The following CFAP298 variants were observed in gnomAD, a reference collection of about 807,000 sequenced individuals.
The protein encoded by CFAP298 is cilia and flagella associated protein 298, also known as cilia- and flagella-associated protein 298.
In CFAP298, 38 loss-of-function variants were observed where a neutral mutation model predicts 41.0. That is an observed-to-expected ratio of 0.93 (90% confidence interval 0.72 to 1.22). CFAP298 has a LOEUF of 1.22. Among genes scored for constraint, CFAP298 ranks in the 50% most tolerant of loss-of-function variants. The pLI is 0.00. For synonymous variants in CFAP298, 137 were observed against 135.3 expected (o/e 1.01, Z -0.09); for missense variants, 348 against 360.3 (o/e 0.97, Z 0.28).
At chr21:32,603,600 C>T (rs1568992139) in intron 4 of CFAP298, among the ~76,000 whole-genome samples, 1 of 152,202 alleles carries the variant, frequency 6.6e-6, no homozygotes, top group Non-Finnish European at 1.5e-5. Flanking sequence ...GCACTGGCAT[C>T]GTGCTGGGTG....
At position 32,603,936 on chromosome 21, in the gene CFAP298, C is replaced by A. The variant is rs375692614; in HGVS notation, c.534+189G>T. Among the ~76,000 whole-genome samples the A allele has an allele frequency of 2.5e-3, 384 of 152,270 alleles. 2 individuals are homozygous for A. The highest frequency in any genetic ancestry group is 8.9e-3 in the African/African-American group (371 of 41,558). ...ACTGCCTCCTGTGTGTGGGGCCAAACCCCTCACTCATGAGTACCCACTCTC... is the reference window on the plus strand; with the variant it reads ...ACTGCCTCCTGTGTGTGGGGCCAAAACCCTCACTCATGAGTACCCACTCTC... On this transcript the variant is annotated intron_variant, in intron 4 of 6. Transcript: ENST00000290155.
At position 32,612,178 on chromosome 21, in the gene CFAP298, G is replaced by A. The variant is rs779818902; in HGVS notation, c.66C>T (p.Thr22=). 5.6e-6 allele frequency: 9 copies of A among 1,604,316 alleles called. No homozygotes were observed. The highest frequency in any genetic ancestry group is 7.7e-6 in the Non-Finnish European group (9 of 1,176,178). Residue 22 remains threonine, a synonymous_variant, in exon 1 of 7, where the codon ACC becomes ACT. Transcript: ENST00000290155. ...CCTGCACCGTGAGCTCCTCCAGCTC[G>A]GTACTCCCAGGCGCCTGCAGCAGGA... ...SQFLLQAPGS[T]ELEELTVQVA... is the part of the protein sequence containing the mutation.
intron 1 of CFAP298, 43 bp downstream of exon 1, chr21:32,612,062 G>A: frequency 6.7e-7 from 1 of 1,489,570 alleles, no homozygotes; most frequent in South Asian, 1.3e-5. Context: ...ATCCCACGCC[G>A]GTCTCTCGAT....
In CFAP298 at chr21:32,600,322, C is replaced by G. The variant is rs932416337; in HGVS notation, c.*1541G>C. ...GTCAGCTACAAAGCACTTCAGAGAA[C>G]AGCGCTTTGCTCTCAGGTCTGGGAC... On this transcript the variant is annotated 3_prime_UTR_variant, in exon 7 of 7. Transcript: ENST00000290155. Among the ~76,000 whole-genome samples, 1 of 152,220 alleles carries G rather than the reference C, an allele frequency of 6.6e-6. No individual in the cohort carries two copies. The highest frequency in any genetic ancestry group is 6.5e-5 in the Admixed American group (1 of 15,292).
intron 2 of CFAP298, among the ~76,000 whole-genome samples, chr21:32,609,473 AT>A (rs2038940738): frequency 6.6e-6 from 1 of 152,212 alleles, no homozygotes; most frequent in South Asian, 2.1e-4. Context: ...GACGAGGTCA[AT>A]TTTTAAACGT....
chr21:32,610,691 C>G (rs844993), intron 1 of CFAP298, among the ~76,000 whole-genome samples: 36,717 of 152,026 alleles, frequency 0.24, 6,290 homozygotes, highest in African/African-American at 0.48. Context: ...TGTGTTGGAA[C>G]CTCAATTAAG....
chr21:32,603,008 G>A (rs983873060), intron 5 of CFAP298, 153 bp downstream of exon 5: 17 of 1,116,642 alleles, frequency 1.5e-5, no homozygotes, highest in Non-Finnish European at 2.1e-5. Flanking sequence ...TTTTGTTGGT[G>A]TGCAGGAAGA....
rs535049428 is a variant in CFAP298 at position 32,609,407 on chromosome 21, T to C, written c.307+431A>G. ...TTTATCTACCTAATTCATCCTAGATTAGAGTTTTACCAAAGGAGCTACAGA... is the reference window on the plus strand; with the variant it reads ...TTTATCTACCTAATTCATCCTAGATCAGAGTTTTACCAAAGGAGCTACAGA... On this transcript the variant is annotated intron_variant, in intron 2 of 6. Transcript: ENST00000290155. 5.9e-5 allele frequency among the ~76,000 whole-genome samples: 9 copies of C among 152,292 alleles called. No homozygotes were observed. In the South Asian group the frequency reaches 1.5e-3, roughly 25 times the overall value.
At chr21:32,602,626 C>T in intron 5 of CFAP298, 1 of 1,304,220 alleles carries the variant, frequency 7.7e-7, no homozygotes, top group Non-Finnish European at 9.7e-7. Context: ...ACACTGCAGG[C>T]AGGTCCAGTG....
intron 2 of CFAP298, 92 bp from the exon 3 acceptor site, chr21:32,607,808 TA>T (rs1013169824): frequency 1.3e-6 from 1 of 766,770 alleles, no homozygotes. Flanking sequence ...AGTCAGGGGG[TA>T]AATGAACTGA....
Position 32,604,202 on chromosome 21 carries a change from C to A in CFAP298, c.457G>T (p.Val153Phe). The change falls in exon 4 of 7, where the codon GTT (valine) becomes TTT (phenylalanine). Residue 153 changes from valine to phenylalanine, a missense_variant. Physicochemically the swap from Val to Phe is conservative, Grantham distance 50. Transcript: ENST00000290155. ...LDQLRGAVMI[V>F]YPMGLPPYDP... is the part of the protein sequence containing the mutation. Reference sequence around the variant, plus strand: ...TACGGTGGCAACCCCATGGGGTAAACAATCATCACCGCGCCTCGAAGCTGG... The same window carrying A: ...TACGGTGGCAACCCCATGGGGTAAAAAATCATCACCGCGCCTCGAAGCTGG... 1 of 1,614,116 alleles carries A rather than the reference C, an allele frequency of 6.2e-7. No individual in the cohort carries two copies. The highest frequency in any genetic ancestry group is 1.6e-4 in the Middle Eastern group (1 of 6,062).
At chr21:32,610,680 T>C (rs1181556369) in intron 1 of CFAP298, among the ~76,000 whole-genome samples, 1 of 152,226 alleles carries the variant, frequency 6.6e-6, no homozygotes, top group Non-Finnish European at 1.5e-5. Flanking sequence ...AATATTGAGT[T>C]TGTGTTGGAA....
At chr21:32,610,046 T>A (rs555910127) in intron 1 of CFAP298, 41 bp from the exon 2 acceptor site, 2 of 1,546,796 alleles carry the variant, frequency 1.3e-6, no homozygotes, top group South Asian at 2.3e-5. Context: ...TCATAACACC[T>A]CATACCCCAT....
chr21:32,605,389 GTAACCTGT>G (rs1462784226), intron 3 of CFAP298, among the ~76,000 whole-genome samples: 3 of 152,184 alleles, frequency 2.0e-5, no homozygotes, highest in Admixed American at 6.5e-5. Context: ...TGCTAATACA[GTAACCTGT>G]AGTCCGCGCT....
At chr21:32,610,612 T>C (rs564041471) in intron 1 of CFAP298, among the ~76,000 whole-genome samples, 1 of 152,292 alleles carries the variant, frequency 6.6e-6, no homozygotes, top group African/African-American at 2.4e-5. Flanking sequence ...TATAACGTTA[T>C]AGGAAAAGAA....
At chr21:32,603,335 C>G (rs373458845) in intron 4 of CFAP298, 43 bp from the exon 5 acceptor site, 1 of 1,610,140 alleles carries the variant, frequency 6.2e-7, no homozygotes, top group African/African-American at 1.3e-5. Context: ...TGTTCCCACC[C>G]AGGGGGCAGA....
chr21:32,601,287 GCTT>G lies in CFAP298; in HGVS notation c.*573_*575del, dbSNP rs1330793317. 2.2e-5 allele frequency among the ~76,000 whole-genome samples: 3 copies of G among 135,752 alleles called. No individual in the cohort carries two copies. Among genetic ancestry groups the G allele is most frequent in the East Asian group, 2.2e-4 (1 of 4,542 alleles). 89.1% of individuals were successfully genotyped at this position (135,752 alleles called of 152,430 possible). A position where few individuals can be genotyped will look rare whatever the true frequency, so the allele number is the denominator to read the frequency against. On this transcript the variant is annotated 3_prime_UTR_variant, in exon 7 of 7. Coordinates refer to ENST00000290155, the MANE Select transcript of CFAP298 (RefSeq NM_021254.4). ...ACAATCAGGAAGAAAAAAAAGTGTAGCTTTTTTTTTTTTTTTTTTTTTTTTTGA... is the reference window on the plus strand; with the variant it reads ...ACAATCAGGAAGAAAAAAAAGTGTAGTTTTTTTTTTTTTTTTTTTTTTTGA...
In CFAP298 at chr21:32,602,893, T is replaced by C. The variant is rs888803863; in HGVS notation, c.666+268A>G. 5.7e-5 allele frequency: 77 copies of C among 1,344,858 alleles called. No individual in the cohort carries two copies. The East Asian group carries it at 1.9e-3, about 33-fold the overall frequency. 83.3% of individuals were successfully genotyped at this position (1,344,858 alleles called of 1,614,324 possible). A position where few individuals can be genotyped will look rare whatever the true frequency, so the allele number is the denominator to read the frequency against. On this transcript the variant is annotated intron_variant, in intron 5 of 6. Transcript: ENST00000290155. ...CATTTCAAGGAACATATCTGTTTAC[T>C]TGCAGCCCTATTTTTACGCTTGAAA...
chr21:32,601,758 A>C lies in CFAP298; in HGVS notation c.*105T>G, dbSNP rs2038743556. ...CTAAAAGAAAACTAGAAATGTTAAC[A>C]TCTTTTACAGAGGGCAGTAAGTGGC... On this transcript the variant is annotated 3_prime_UTR_variant, in exon 7 of 7. Coordinates refer to ENST00000290155, the MANE Select transcript of CFAP298 (RefSeq NM_021254.4). 1 of 625,514 alleles carries C rather than the reference A, an allele frequency of 1.6e-6. No homozygotes were observed. The highest frequency in any genetic ancestry group is 2.7e-5 in the Admixed American group (1 of 36,604). The allele number at this position is 625,514 out of a possible 1,614,324, so 38.7% of individuals were successfully genotyped here.
Sources: allele counts gnomAD v4.1 joint callset (sites outside exome capture counted in the v4.1 genomes callset), GRCh38; gene constraint gnomAD v4.1.1; transcripts MANE v1.5; gene names NCBI Gene and HGNC (gene_info 2026-07-23, HGNC 2026-07-21).